The following SKI variants were observed in gnomAD, a reference collection of about 807,000 sequenced individuals.
SKI encodes the protein SKI proto-oncogene, also known as ski oncogene.
In SKI, 23 loss-of-function variants were observed where a neutral mutation model predicts 59.3. That is an observed-to-expected ratio of 0.39 (90% CI 0.28 to 0.55). The LOEUF is 0.55. SKI is among the 20% of genes least tolerant of loss of function. The pLI is 0.67. For missense variants in SKI, 1,017 were observed against 1,038.9 expected (o/e 0.98, Z 0.29); for synonymous variants, 673 against 488.6 (o/e 1.38, Z -4.98).
chr1:2,250,604 G>C (rs911271115), intron 1 of SKI, among the ~76,000 whole-genome samples: 1 of 152,232 alleles, frequency 6.6e-6, no homozygotes, highest in Non-Finnish European at 1.5e-5. Context: ...CCGGTCATTT[G>C]AGAGAATGTT....
intron 1 of SKI, among the ~76,000 whole-genome samples, chr1:2,294,751 G>A (rs1238332718): frequency 2.0e-5 from 3 of 152,306 alleles, no homozygotes; most frequent in Middle Eastern, 3.4e-3. Context: ...TTGTCTCCCC[G>A]AGAGCCACCT....
chr1:2,229,403 C>G lies in SKI; in HGVS notation c.637C>G (p.Leu213Val), dbSNP rs777216862. The change falls in exon 1 of 7, where the codon CTC becomes GTC. Residue 213 changes from leucine to valine, a missense_variant. Leu to Val is a conservative substitution (Grantham distance 32). Coordinates refer to ENST00000378536, the MANE Select transcript of SKI (RefSeq NM_003036.4). This position sits in a 1 kb window ranked among gnomAD's most constrained non-coding sequence, Gnocchi z 6.3. ...LAASLALGLE[L>V]SERSVRVYHE... is the part of the protein sequence containing the mutation. Reference sequence around the variant, plus strand: ...CGCCAGCCTGGCGCTGGGCCTGGAGCTCAGCGAGCGCAGCGTCCGCGTGTA... The same window carrying G: ...CGCCAGCCTGGCGCTGGGCCTGGAGGTCAGCGAGCGCAGCGTCCGCGTGTA... The G allele has an allele frequency of 6.2e-7, 1 of 1,608,892 alleles. No individual in the cohort carries two copies. Among genetic ancestry groups the G allele is most frequent in the African/African-American group, 1.3e-5 (1 of 74,832 alleles).
intron 1 of SKI, among the ~76,000 whole-genome samples, chr1:2,242,998 C>T (rs927903836): frequency 5.9e-5 from 9 of 152,212 alleles, no homozygotes; most frequent in African/African-American, 2.2e-4. Context: ...AAAAGGCAAA[C>T]GCAGACATGG....
intron 5 of SKI, among the ~76,000 whole-genome samples, chr1:2,305,641 C>G (rs1640553578): frequency 6.6e-6 from 1 of 152,122 alleles, no homozygotes; most frequent in Non-Finnish European, 1.5e-5. Context: ...GTGGGGAGAC[C>G]CGGGGCCCTC....
rs1354999673 is a variant in SKI at position 2,308,563 on chromosome 1, A to G, written c.*1798A>G. On this transcript the variant is annotated 3_prime_UTR_variant, in exon 7 of 7. Coordinates refer to ENST00000378536, the MANE Select transcript of SKI (RefSeq NM_003036.4). ...TTGTAAAGGGTCGGTTTTGTTATGC[A>G]ACATGCAGAATGCTGTTTTTAGCCT... 6.6e-6 allele frequency: 1 copy of G among 152,054 alleles called. No homozygotes were observed. Among genetic ancestry groups the G allele is most frequent in the Non-Finnish European group, 1.5e-5 (1 of 68,016 alleles). 9.4% of individuals were successfully genotyped at this position (152,054 alleles called of 1,614,324 possible).
In SKI at chr1:2,293,437, A is replaced by G. The variant is rs10910050; in HGVS notation, c.970-9541A>G. 3.7e-3 allele frequency among the ~76,000 whole-genome samples: 530 copies of G among 144,444 alleles called. 3 individuals are homozygous for G. Among genetic ancestry groups the G allele is most frequent in the African/African-American group, 0.012 (467 of 39,146 alleles). The allele number at this position is 144,444 out of a possible 152,430, so 94.8% of individuals were successfully genotyped here. On this transcript the variant is annotated intron_variant, in intron 1 of 6. Transcript: ENST00000378536. ...AGAAGCCAGGGCGAGGCCCCCCCCCAACATCTGGAAGGTTCTCCTGCGTCG... is the reference window on the plus strand; with the variant it reads ...AGAAGCCAGGGCGAGGCCCCCCCCCGACATCTGGAAGGTTCTCCTGCGTCG...
intron 1 of SKI, among the ~76,000 whole-genome samples, chr1:2,284,871 C>T (rs757314467): frequency 6.6e-6 from 1 of 152,236 alleles, no homozygotes; most frequent in Non-Finnish European, 1.5e-5. Context: ...GGGTCTGACC[C>T]TGCTCCGCAG....
At chr1:2,279,766 G>A (rs889210594) in intron 1 of SKI, among the ~76,000 whole-genome samples, 2 of 152,308 alleles carry the variant, frequency 1.3e-5, no homozygotes, top group East Asian at 1.9e-4. Flanking sequence ...CCAGGCTGGA[G>A]TGCAGTCGTG....
chr1:2,228,603 TCG>T lies in SKI; in HGVS notation c.-160_-159del. The T allele has an allele frequency of 6.0e-6, 1 of 167,416 alleles. No homozygotes were observed. The highest frequency in any genetic ancestry group is 1.1e-5 in the Non-Finnish European group (1 of 90,074). 10.4% of individuals were successfully genotyped at this position (167,416 alleles called of 1,614,324 possible). On this transcript the variant is annotated 5_prime_UTR_variant, in exon 1 of 7. The change abolishes the stop of an existing upstream ORF in the 5' untranslated region. Transcript: ENST00000378536. ...CCCTTCGCCCCGCCCGCCTTCCCCT[TCG>T]CGCCCCCGGGCGAGGCCGCGGCCGT...
intron 1 of SKI, among the ~76,000 whole-genome samples, chr1:2,280,241 G>A (rs1221149600): frequency 6.6e-6 from 1 of 151,992 alleles, no homozygotes; most frequent in African/African-American, 2.4e-5. Flanking sequence ...CCGGCATTGT[G>A]GCAGGTGCCT....
At chr1:2,231,702 G>A (rs1184097603) in intron 1 of SKI, among the ~76,000 whole-genome samples, 2 of 152,236 alleles carry the variant, frequency 1.3e-5, no homozygotes, top group Non-Finnish European at 1.5e-5. Context: ...GCGTCCTCTA[G>A]GCCTGAGTGG....
chr1:2,302,937 T>G, intron 1 of SKI, 41 bp from the exon 2 acceptor site: 2 of 1,612,550 alleles, frequency 1.2e-6, no homozygotes, highest in South Asian at 1.1e-5. Context: ...GACCCTGCCC[T>G]GGGAACCACA....
chr1:2,277,590 C>T (rs1450439400), intron 1 of SKI, among the ~76,000 whole-genome samples: 1 of 152,208 alleles, frequency 6.6e-6, no homozygotes, highest in African/African-American at 2.4e-5. Flanking sequence ...TCTTTTTGTT[C>T]CCAGTTTCGG....
At chr1:2,305,593 C>T (rs1286133763) in intron 5 of SKI, among the ~76,000 whole-genome samples, 2 of 152,112 alleles carry the variant, frequency 1.3e-5, no homozygotes, top group African/African-American at 4.8e-5. Context: ...GGGGGGCTTG[C>T]GGAGGCGCCG....
intron 1 of SKI, among the ~76,000 whole-genome samples, chr1:2,284,660 T>C (rs1425206696): frequency 6.6e-6 from 1 of 152,082 alleles, no homozygotes; most frequent in Admixed American, 6.5e-5. Flanking sequence ...ATGGGCCTCT[T>C]GCGGCGGCTC....
At chr1:2,254,435 T>C (rs972066747) in intron 1 of SKI, among the ~76,000 whole-genome samples, 5 of 152,146 alleles carry the variant, frequency 3.3e-5, no homozygotes, top group Admixed American at 2.6e-4. Flanking sequence ...CAATGCCTCA[T>C]CCTAGGATTA....
chr1:2,252,511 C>G (rs1273846979), intron 1 of SKI, among the ~76,000 whole-genome samples: 1 of 152,232 alleles, frequency 6.6e-6, no homozygotes, highest in Admixed American at 6.5e-5. Context: ...TCCGTCTGAG[C>G]TGCTGACTGA....
intron 1 of SKI, among the ~76,000 whole-genome samples, chr1:2,262,562 G>C (rs1461333585): frequency 6.7e-6 from 1 of 150,362 alleles, no homozygotes; most frequent in South Asian, 2.1e-4. Flanking sequence ...CAGAGTTTGG[G>C]TGGGAGTGGT....
chr1:2,240,891 G>A (rs868184870), intron 1 of SKI: 86 of 755,210 alleles, frequency 1.1e-4, no homozygotes, highest in Non-Finnish European at 1.3e-4. Flanking sequence ...GTGGCCCTGC[G>A]TCGACCCCAA....
Sources: gnomAD v4.1 joint callset for allele counts (sites outside exome capture counted in the v4.1 genomes callset) on GRCh38, gnomAD v4.1.1 for gene constraint, Gnocchi (gnomAD v3.1) non-coding constraint, MANE v1.5 for transcripts, NCBI Gene and HGNC (gene_info 2026-07-23, HGNC 2026-07-21) for gene names.